GRIA1: variants seen among roughly 807,000 people sequenced by gnomAD.
GRIA1 encodes the protein glutamate ionotropic receptor AMPA type subunit 1.
GRIA1 carries 31 observed loss-of-function variants against 99.2 expected under a neutral mutation model. That is an observed-to-expected ratio of 0.31 (90% confidence interval 0.23 to 0.42). The LOEUF (loss-of-function observed/expected upper bound fraction) is 0.42. Among genes scored for constraint, GRIA1 ranks in the 10% least tolerant of loss-of-function variants. The pLI, the probability that GRIA1 is intolerant of heterozygous loss-of-function variation, is 1.00. For synonymous variants in GRIA1, 438 were observed against 432.4 expected, an observed-to-expected ratio of 1.01 and a Z score of -0.16; for missense variants, 782 against 1,157.5, an observed-to-expected ratio of 0.68 and a Z score of 4.71.
At chr5:153,602,752 G>A (rs1765096200) in intron 2 of GRIA1, among the ~76,000 whole-genome samples, 1 of 152,070 alleles carries the variant, frequency 6.6e-6, no homozygotes, top group Admixed American at 6.6e-5. Context: ...CTACGATGGA[G>A]GAAGGGGAAC....
intron 11 of GRIA1, among the ~76,000 whole-genome samples, chr5:153,755,949 G>T (rs1204208876): frequency 6.6e-6 from 1 of 152,226 alleles, no homozygotes; most frequent in Non-Finnish European, 1.5e-5. Context: ...CTTGGCTTCA[G>T]CCCTATTTGG....
chr5:153,741,820 A>G (rs1011289056), intron 11 of GRIA1, among the ~76,000 whole-genome samples: 6 of 152,292 alleles, frequency 3.9e-5, no homozygotes, highest in Middle Eastern at 6.8e-3. Flanking sequence ...TAAGCTCTAG[A>G]GAGCTGATGC....
At position 153,802,430 on chromosome 5, in the gene GRIA1, C is replaced by T; in HGVS notation, c.2460C>T (p.Ala820=). Residue 820 remains alanine, a synonymous_variant, in exon 15 of 16, where the codon GCC becomes GCT. Transcript: ENST00000285900. The part of the protein sequence containing the change: ...FYILIGGLGL[A]MLVALIEFCY... ...TCCTGATCGGAGGACTTGGACTAGC[C>T]ATGCTGGTTGCCTTAATCGAGTTCT... 4 of 1,613,804 alleles carry T rather than the reference C, an allele frequency of 2.5e-6. No homozygotes were observed. The highest frequency in any genetic ancestry group is 3.4e-6 in the Non-Finnish European group (4 of 1,179,786).
intron 11 of GRIA1, among the ~76,000 whole-genome samples, chr5:153,717,441 C>A (rs1410043286): frequency 6.6e-6 from 1 of 152,028 alleles, no homozygotes; most frequent in Admixed American, 6.6e-5. Flanking sequence ...CCAATGAATA[C>A]CTAGAAAGAA....
intron 11 of GRIA1, among the ~76,000 whole-genome samples, chr5:153,728,674 C>T (rs1485713491): frequency 1.5e-4 from 15 of 98,384 alleles, no homozygotes; most frequent in Non-Finnish European, 2.3e-4. Context: ...CAAATCAAAA[C>T]CACAATGAGA....
chr5:153,534,131 T>C (rs1758337729), intron 2 of GRIA1, among the ~76,000 whole-genome samples: 1 of 152,230 alleles, frequency 6.6e-6, no homozygotes, highest in Non-Finnish European at 1.5e-5. Flanking sequence ...GAAATAGTGT[T>C]TATTCTGTTA....
At chr5:153,623,910 T>C (rs1767314976) in intron 2 of GRIA1, among the ~76,000 whole-genome samples, 2 of 152,338 alleles carry the variant, frequency 1.3e-5, no homozygotes, top group South Asian at 2.1e-4. Flanking sequence ...AGGTGAGCTC[T>C]TTGAAGTCTC....
At chr5:153,535,970 G>A (rs1561620526) in intron 2 of GRIA1, among the ~76,000 whole-genome samples, 1 of 152,152 alleles carries the variant, frequency 6.6e-6, no homozygotes, top group African/African-American at 2.4e-5. Flanking sequence ...CTTACCCACT[G>A]CCAAATCCAT....
intron 2 of GRIA1, among the ~76,000 whole-genome samples, chr5:153,555,190 C>A (rs940723656): frequency 1.3e-5 from 2 of 151,752 alleles, no homozygotes; most frequent in African/African-American, 4.8e-5. Flanking sequence ...CTCACTACAG[C>A]AGCGTTTTGC....
At chr5:153,649,010 T>C (rs570897390) in intron 3 of GRIA1, among the ~76,000 whole-genome samples, 1 of 152,316 alleles carries the variant, frequency 6.6e-6, no homozygotes, top group East Asian at 1.9e-4. Flanking sequence ...CACAAGGTCC[T>C]TAAATGTGGA....
chr5:153,626,911 G>T (rs1767684724), intron 2 of GRIA1, among the ~76,000 whole-genome samples: 1 of 152,168 alleles, frequency 6.6e-6, no homozygotes, highest in South Asian at 2.1e-4. Flanking sequence ...CAGCTTAGGT[G>T]ATTGGTCCTG....
intron 11 of GRIA1, among the ~76,000 whole-genome samples, chr5:153,747,885 T>C (rs1321937509): frequency 6.6e-6 from 1 of 152,248 alleles, no homozygotes; most frequent in African/African-American, 2.4e-5. Flanking sequence ...GTCACATCTC[T>C]TCTATTAAAT....
At chr5:153,705,662 A>ACTTTT in intron 10 of GRIA1, 35 bp from the exon 11 acceptor site, 6 of 750,700 alleles carry the variant, frequency 8.0e-6, no homozygotes, top group Non-Finnish European at 1.0e-5. Flanking sequence ...GCTCACCTGC[A>ACTTTT]TTTTTTTTTT....
chr5:153,533,109 G>A (rs726877), intron 2 of GRIA1, among the ~76,000 whole-genome samples: 98,055 of 151,996 alleles, frequency 0.65, 32,001 homozygotes, highest in East Asian at 0.83. Context: ...TCTTTGAAAG[G>A]TTTCACAGAA....
chr5:153,651,617 C>A (rs72802661), intron 4 of GRIA1, among the ~76,000 whole-genome samples: 2,068 of 152,268 alleles, frequency 0.014, 24 homozygotes, highest in Non-Finnish European at 0.022. Flanking sequence ...CCCCTGGGGC[C>A]CTCACAGAGA....
chr5:153,605,813 T>A (rs529859138), intron 2 of GRIA1, among the ~76,000 whole-genome samples: 4 of 152,340 alleles, frequency 2.6e-5, no homozygotes, highest in African/African-American at 7.2e-5. Context: ...ATACCTTTTT[T>A]AAAAATTGAT....
In GRIA1 at chr5:153,802,368, G is replaced by A. The variant is rs773406705; in HGVS notation, c.2398G>A (p.Ala800Thr). The change falls in exon 15 of 16, where the codon GCT (alanine) becomes ACT (threonine). Residue 800 changes from alanine (A) to threonine (T), a missense_variant. This residue lies in a region of GRIA1 where 119 missense variants were observed against 326.6 expected (regional missense o/e 0.36). Coordinates refer to ENST00000285900, the MANE Select transcript of GRIA1 (RefSeq NM_000827.4). ...GGGDSKDKTS[A>T]LSLSNVAGVF... The stretch of plus-strand genomic sequence containing the variant: ...CTCCTCTTCTTAGGACAAGACAAGC[G>A]CTCTGAGCCTCAGCAATGTGGCAGG... 5 of 1,613,676 alleles carry A rather than the reference G, an allele frequency of 3.1e-6. No homozygotes were observed. Among genetic ancestry groups the A allele is most frequent in the South Asian group, 1.1e-5 (1 of 91,060 alleles).
chr5:153,585,962 G>A (rs571161807), intron 2 of GRIA1, among the ~76,000 whole-genome samples: 1 of 152,152 alleles, frequency 6.6e-6, no homozygotes, highest in South Asian at 2.1e-4. Context: ...GAGGGGGAGT[G>A]TGGTGAGGAG....
rs146905896 is a variant in GRIA1 at position 153,633,545 on chromosome 5, G to A, written c.221-13383G>A. 2.3e-3 allele frequency among the ~76,000 whole-genome samples: 351 copies of A among 152,356 alleles called. 4 individuals carry two copies. Among genetic ancestry groups the A allele is most frequent in the African/African-American group, 8.3e-3 (346 of 41,576 alleles). On this transcript the variant is annotated intron_variant, in intron 2 of 15. Coordinates refer to ENST00000285900, the MANE Select transcript of GRIA1 (RefSeq NM_000827.4). The stretch of plus-strand genomic sequence containing the variant: ...AGCTTTTGCTAAAGTCTCAGTGGTT[G>A]AAATTGTCCAGGAGGCCTGAGTTTT...
Sources: allele counts gnomAD v4.1 joint callset (sites outside exome capture counted in the v4.1 genomes callset), GRCh38; gene constraint gnomAD v4.1.1; regional missense constraint gnomAD v4.1.1; transcripts MANE v1.5; gene names NCBI Gene and HGNC (gene_info 2026-07-23, HGNC 2026-07-21).